The following SLC30A9 variants were observed in gnomAD, a reference collection of about 807,000 sequenced individuals.
The protein encoded by SLC30A9 is proton-coupled zinc antiporter SLC30A9, mitochondrial.
A neutral mutation model predicts 87.5 loss-of-function variants in SLC30A9; 58 were observed. The ratio of observed to expected loss-of-function variants is 0.66; its 90% confidence interval spans 0.54 to 0.82. The LOEUF is 0.82. Ranked by LOEUF, SLC30A9 falls within the 40% of genes least tolerant of loss-of-function variation. The pLI is 0.00. For missense variants in SLC30A9, 557 were observed against 679.1 expected, an observed-to-expected ratio of 0.82 and a Z score of 2.00; for synonymous variants, 234 against 233.0, an observed-to-expected ratio of 1.00 and a Z score of -0.04.
chr4:42,079,652 T>C (rs1718685022), intron 17 of SLC30A9, among the ~76,000 whole-genome samples: 1 of 138,484 alleles, frequency 7.2e-6, no homozygotes, highest in Non-Finnish European at 1.6e-5. Flanking sequence ...CTGTCACCCG[T>C]GCTGGAGTGC....
intron 6 of SLC30A9, among the ~76,000 whole-genome samples, chr4:42,027,353 G>A (rs752801811): frequency 5.3e-5 from 8 of 152,132 alleles, no homozygotes; most frequent in Non-Finnish European, 1.0e-4. Flanking sequence ...GAGTAGCTCC[G>A]ACAGAGACTG....
At chr4:41,994,820 G>A (rs1714622119) in intron 1 of SLC30A9, among the ~76,000 whole-genome samples, 1 of 98,000 alleles carries the variant, frequency 1.0e-5, no homozygotes, top group Non-Finnish European at 2.2e-5. Context: ...CCCGTCAGAT[G>A]TGGTCTCAAA....
intron 8 of SLC30A9, among the ~76,000 whole-genome samples, chr4:42,044,179 A>C (rs1234027790): frequency 6.6e-6 from 1 of 152,194 alleles, no homozygotes; most frequent in Non-Finnish European, 1.5e-5. Context: ...AACTAGCATC[A>C]TAATGACAGG....
rs1027725912 is a variant in SLC30A9 at position 42,022,739 on chromosome 4, G to A, written c.435-99G>A. ...CACATCAATATTTCTCTAAGATGGG[G>A]ATCAGTGTTGTTGCTTTTATCTGCC... On this transcript the variant is annotated intron_variant, in intron 4 of 17. Coordinates refer to ENST00000264451, the MANE Select transcript of SLC30A9 (RefSeq NM_006345.4). The A allele has an allele frequency of 7.3e-6, 4 of 548,090 alleles. No individual in the cohort carries two copies. In the African/African-American group the frequency reaches 7.6e-5, roughly 10 times the overall value. The allele number at this position is 548,090 out of a possible 1,614,324, so 34.0% of individuals were successfully genotyped here.
chr4:42,014,371 G>C (rs944977978), intron 2 of SLC30A9, among the ~76,000 whole-genome samples: 8 of 152,106 alleles, frequency 5.3e-5, no homozygotes, highest in Non-Finnish European at 1.0e-4. Context: ...CCCACTGCTA[G>C]GTATATTCCC....
chr4:42,063,222 C>T (rs1016271644), intron 11 of SLC30A9, 101 bp downstream of exon 11: 2 of 1,038,724 alleles, frequency 1.9e-6, no homozygotes, highest in Non-Finnish European at 2.8e-6. Context: ...GAATGACATA[C>T]ACCTTCTTGA....
intron 11 of SLC30A9, 151 bp from the exon 12 acceptor site, chr4:42,065,159 C>G: frequency 1.6e-6 from 1 of 613,494 alleles, no homozygotes; most frequent in Non-Finnish European, 3.0e-6. Context: ...ATCTCATTGT[C>G]CTCCTCATTT....
intron 6 of SLC30A9, among the ~76,000 whole-genome samples, chr4:42,031,957 T>C (rs1325809456): frequency 2.6e-5 from 4 of 152,158 alleles, no homozygotes; most frequent in African/African-American, 7.2e-5. Flanking sequence ...GAAAAGAGGT[T>C]TAATTAGCTC....
intron 17 of SLC30A9, among the ~76,000 whole-genome samples, chr4:42,083,835 A>G (rs1019328125): frequency 6.6e-6 from 1 of 152,138 alleles, no homozygotes; most frequent in African/African-American, 2.4e-5. Flanking sequence ...AAATAAGGAA[A>G]AAGTTGGGAA....
At chr4:42,012,784 A>G (rs1392207582) in intron 2 of SLC30A9, among the ~76,000 whole-genome samples, 3 of 152,062 alleles carry the variant, frequency 2.0e-5, no homozygotes, top group Non-Finnish European at 4.4e-5. Flanking sequence ...AAAACAAACA[A>G]ACAAAAAAAA....
intron 1 of SLC30A9, among the ~76,000 whole-genome samples, chr4:41,992,702 CTT>C (rs1714505812): frequency 6.6e-6 from 1 of 152,128 alleles, no homozygotes; most frequent in African/African-American, 2.4e-5. Context: ...TTTTTTTACA[CTT>C]AAAAATGCTT....
chr4:42,023,602 GA>G (rs1334582756), intron 6 of SLC30A9, among the ~76,000 whole-genome samples: 1 of 152,200 alleles, frequency 6.6e-6, no homozygotes, highest in Non-Finnish European at 1.5e-5. Context: ...GAGAGGAAGA[GA>G]AGCTACAGTT....
intron 11 of SLC30A9, among the ~76,000 whole-genome samples, chr4:42,064,973 G>T (rs1172341549): frequency 1.3e-5 from 2 of 152,032 alleles, no homozygotes; most frequent in Non-Finnish European, 2.9e-5. Context: ...GGGATTGCAG[G>T]GAATGTGGTA....
chr4:42,049,422 C>T lies in SLC30A9; in HGVS notation c.783C>T (p.Thr261=), dbSNP rs145726400. ...CFFKFLAWIY[T]GSASMFSEAI... ...TTAAATTTCTTGCCTGGATTTATAC[C>T]GGTTCAGCAAGTATGTTCTCAGAAG... Residue 261 remains threonine (T), a synonymous_variant, in exon 9 of 18, where the codon ACC becomes ACT. Transcript: ENST00000264451. 9.3e-6 allele frequency: 15 copies of T among 1,610,922 alleles called. No individual in the cohort carries two copies. The highest frequency in any genetic ancestry group is 1.6e-4 in the Middle Eastern group (1 of 6,072).
chr4:42,075,144 G>A (rs1264758837), intron 15 of SLC30A9, among the ~76,000 whole-genome samples: 1 of 126,970 alleles, frequency 7.9e-6, no homozygotes, highest in Non-Finnish European at 1.6e-5. Context: ...CACAATCTGG[G>A]TTCACTGCAA....
intron 14 of SLC30A9, among the ~76,000 whole-genome samples, chr4:42,068,498 G>C (rs938969244): frequency 6.6e-6 from 1 of 152,178 alleles, no homozygotes; most frequent in African/African-American, 2.4e-5. Context: ...TCCCACCTTG[G>C]CCTCCCAAAG....
Position 42,087,365 on chromosome 4 carries a change from G to C in SLC30A9, c.*1239G>C, listed in dbSNP as rs1047152956. The C allele has an allele frequency of 1.3e-5, 2 of 152,188 alleles. No homozygotes were observed. Among genetic ancestry groups the C allele is most frequent in the Admixed American group, 6.5e-5 (1 of 15,274 alleles). 9.4% of individuals were successfully genotyped at this position (152,188 alleles called of 1,614,324 possible). A position where few individuals can be genotyped will look rare whatever the true frequency, so the allele number is the denominator to read the frequency against. ...CAGTGAGCATTGTTCATATGAGAAT[G>C]GCGGCTGGGTGATCTCTTTGCTGAA... On this transcript the variant is annotated 3_prime_UTR_variant, in exon 18 of 18. Coordinates refer to ENST00000264451, the MANE Select transcript of SLC30A9 (RefSeq NM_006345.4).
intron 8 of SLC30A9, 83 bp downstream of exon 8, chr4:42,039,136 G>T: frequency 9.9e-7 from 1 of 1,006,348 alleles, no homozygotes; most frequent in South Asian, 1.4e-5. Flanking sequence ...TTTATTACAT[G>T]GTAGCTAGCT....
intron 11 of SLC30A9, among the ~76,000 whole-genome samples, chr4:42,064,115 CG>C (rs1369801292): frequency 2.0e-5 from 3 of 152,088 alleles, no homozygotes; most frequent in African/African-American, 7.2e-5. Context: ...TCCAATATCC[CG>C]GGGGACACAC....
Sources: allele counts gnomAD v4.1 joint callset (sites outside exome capture counted in the v4.1 genomes callset), GRCh38; gene constraint gnomAD v4.1.1; transcripts MANE v1.5; gene names NCBI Gene and HGNC (gene_info 2026-07-23, HGNC 2026-07-21).